Variants in WDFY1 observed in about 807,000 individuals in gnomAD.
WDFY1 encodes the protein WD repeat and FYVE domain-containing protein 1.
A neutral mutation model predicts 56.4 loss-of-function variants in WDFY1; 32 were observed. That is an observed-to-expected ratio of 0.57 (90% CI 0.43 to 0.76). WDFY1 has a LOEUF of 0.76. Among genes scored for constraint, WDFY1 ranks in the 30% least tolerant of loss-of-function variants. The probability of loss-of-function intolerance (pLI) is 0.00; values close to 1 mark genes in which losing one functional copy is unlikely to be tolerated. For missense variants in WDFY1, 480 were observed against 545.7 expected (o/e 0.88, Z 1.20); for synonymous variants, 192 against 197.3 (o/e 0.97, Z 0.23).
intron 1 of WDFY1, among the ~76,000 whole-genome samples, chr2:223,930,691 C>G (rs1217816503): frequency 6.6e-6 from 1 of 152,220 alleles, no homozygotes; most frequent in African/African-American, 2.4e-5. Flanking sequence ...GGTGCTAGTA[C>G]TGGGTCCTGA....
intron 8 of WDFY1, among the ~76,000 whole-genome samples, chr2:223,889,642 T>A (rs1432803657): frequency 1.3e-5 from 2 of 152,208 alleles, no homozygotes; most frequent in Non-Finnish European, 2.9e-5. Context: ...TCCCCAGCCA[T>A]GTGGAATTGT....
At chr2:223,885,158 G>A (rs1693151671) in intron 8 of WDFY1, among the ~76,000 whole-genome samples, 1 of 151,726 alleles carries the variant, frequency 6.6e-6, no homozygotes, top group Admixed American at 6.6e-5. Flanking sequence ...ATTCTAGCTA[G>A]TTGTCATATT....
intron 1 of WDFY1, among the ~76,000 whole-genome samples, chr2:223,936,483 T>C (rs958377931): frequency 6.6e-6 from 1 of 152,190 alleles, no homozygotes; most frequent in African/African-American, 2.4e-5. Flanking sequence ...AAGTACAGTA[T>C]GCTGGAACTC....
At chr2:223,929,195 T>TGTTTTG (rs1553538014) in intron 1 of WDFY1, among the ~76,000 whole-genome samples, 3 of 144,930 alleles carry the variant, frequency 2.1e-5, no homozygotes, top group Non-Finnish European at 4.6e-5. Flanking sequence ...TTTTGTTTTT[T>TGTTTTG]TTTTTTTTTG....
At chr2:223,882,191 T>G (rs1204689853) in intron 9 of WDFY1, 119 bp from the exon 10 acceptor site, 7 of 1,313,652 alleles carry the variant, frequency 5.3e-6, no homozygotes. Flanking sequence ...CTCGGCTCAC[T>G]GCAACCTCTG....
chr2:223,944,989 G>C (rs771820783), intron 1 of WDFY1, among the ~76,000 whole-genome samples, 159 bp downstream of exon 1: 21 of 152,182 alleles, frequency 1.4e-4, no homozygotes, highest in Non-Finnish European at 3.1e-4. Context: ...CGGCGGGAGG[G>C]AACCGGGAAC....
intron 4 of WDFY1, among the ~76,000 whole-genome samples, chr2:223,902,662 C>T (rs181197450): frequency 7.6e-4 from 116 of 151,992 alleles, no homozygotes; most frequent in African/African-American, 2.6e-3. Context: ...GAGCCTAATG[C>T]TTTTTCTGTT....
In WDFY1 at chr2:223,883,614, A is replaced by ACC. The variant is rs969538437; in HGVS notation, c.933+1033_933+1034insGG. Among the ~76,000 whole-genome samples, 220 of 28,048 alleles carry ACC rather than the reference A, an allele frequency of 7.8e-3. 2 individuals carry two copies. The highest frequency in any genetic ancestry group is 0.048 in the Middle Eastern group (2 of 42). 18.4% of individuals were successfully genotyped at this position (28,048 alleles called of 152,430 possible). The stretch of plus-strand genomic sequence containing the variant: ...CTCATATGAGACCTTACTGTGGAGT[A>ACC]TCTCTGAGTAAAATTTTTTAGATTT... On this transcript the variant is annotated intron_variant, in intron 9 of 11. Transcript: ENST00000233055.
intron 1 of WDFY1, among the ~76,000 whole-genome samples, chr2:223,938,327 A>G (rs1689238441): frequency 6.6e-6 from 1 of 152,198 alleles, no homozygotes; most frequent in Non-Finnish European, 1.5e-5. Context: ...CCTTTTAAAA[A>G]TTGTATCATT....
At chr2:223,897,373 TATATATATA>T (rs1380411755) in intron 6 of WDFY1, among the ~76,000 whole-genome samples, 759 of 37,826 alleles carry the variant, frequency 0.02, 27 homozygotes, top group African/African-American at 0.054. Context: ...TATATATATA[TATATATATA>T]TATATATATT....
At chr2:223,899,629 C>A (rs1218503048) in intron 5 of WDFY1, among the ~76,000 whole-genome samples, 3 of 151,968 alleles carry the variant, frequency 2.0e-5, no homozygotes, top group Non-Finnish European at 4.4e-5. Flanking sequence ...GCCTGTAATC[C>A]CAGTTACTCA....
At chr2:223,894,793 C>G (rs1197856042) in intron 7 of WDFY1, among the ~76,000 whole-genome samples, 1 of 152,166 alleles carries the variant, frequency 6.6e-6, no homozygotes, top group Non-Finnish European at 1.5e-5. Flanking sequence ...GGGTAAAGAC[C>G]TCTGTCCCTC....
At chr2:223,901,489 C>A (rs1693507468) in intron 4 of WDFY1, among the ~76,000 whole-genome samples, 156 bp from the exon 5 acceptor site, 2 of 152,192 alleles carry the variant, frequency 1.3e-5, no homozygotes, top group African/African-American at 4.8e-5. Context: ...TTCAGACAAC[C>A]CGCCCCAGCT....
intron 3 of WDFY1, among the ~76,000 whole-genome samples, chr2:223,906,237 G>A (rs1045019417): frequency 3.3e-5 from 5 of 152,166 alleles, no homozygotes; most frequent in Non-Finnish European, 5.9e-5. Context: ...ATCAGCATGG[G>A]ATTTGTGTCC....
intron 1 of WDFY1, among the ~76,000 whole-genome samples, chr2:223,918,803 G>T (rs904722724): frequency 1.3e-5 from 2 of 152,140 alleles, no homozygotes; most frequent in African/African-American, 4.8e-5. Flanking sequence ...GGAGTGGCAT[G>T]GAGAGGGGCG....
At chr2:223,900,806 GTCTT>G (rs1693496446) in intron 5 of WDFY1, 1 of 164,064 alleles carries the variant, frequency 6.1e-6, no homozygotes, top group African/African-American at 2.4e-5. Context: ...ACAATAAAAA[GTCTT>G]TCCATTAGAA....
At chr2:223,931,481 AT>A (rs1341984755) in intron 1 of WDFY1, among the ~76,000 whole-genome samples, 1 of 152,182 alleles carries the variant, frequency 6.6e-6, no homozygotes, top group Non-Finnish European at 1.5e-5. Flanking sequence ...ATTCCTTTTT[AT>A]TTCTACTGTT....
At chr2:223,926,401 G>C (rs1378627210) in intron 1 of WDFY1, among the ~76,000 whole-genome samples, 1 of 151,816 alleles carries the variant, frequency 6.6e-6, no homozygotes, top group Non-Finnish European at 1.5e-5. Flanking sequence ...AAAGTGCTGA[G>C]ACTACAAGCA....
chr2:223,879,576 C>G (rs928702013), intron 11 of WDFY1, among the ~76,000 whole-genome samples: 1 of 151,856 alleles, frequency 6.6e-6, no homozygotes, highest in Non-Finnish European at 1.5e-5. Context: ...GGGAAGATTG[C>G]TTGAGCCTGG....
Sources: allele counts gnomAD v4.1 joint callset (sites outside exome capture counted in the v4.1 genomes callset), GRCh38; gene constraint gnomAD v4.1.1; transcripts MANE v1.5; gene names NCBI Gene and HGNC (gene_info 2026-07-23, HGNC 2026-07-21).